The following SNX29 variants were observed in gnomAD, a reference collection of about 807,000 sequenced individuals.
SNX29 encodes sorting nexin-29.
Under a neutral mutation model 102.1 loss-of-function variants are expected in SNX29, and 78 were observed. That is an observed-to-expected ratio of 0.76 (90% CI 0.64 to 0.92). The LOEUF (loss-of-function observed/expected upper bound fraction) is 0.92, where lower values mean the gene tolerates loss of function less well. Among genes scored for constraint, SNX29 ranks in the 40% least tolerant of loss-of-function variants. The pLI is 0.00. For synonymous variants in SNX29, 580 were observed against 414.5 expected (o/e 1.40, Z -4.85); for missense variants, 1,280 against 1,061.7 (o/e 1.21, Z -2.86).
intron 13 of SNX29, among the ~76,000 whole-genome samples, chr16:12,161,944 G>A (rs2055802563): frequency 6.6e-6 from 1 of 152,190 alleles, no homozygotes; most frequent in African/African-American, 2.4e-5. Context: ...AGGTATTCCT[G>A]ATGAGCAATG....
chr16:12,089,790 TC>T (rs1567197231), intron 11 of SNX29: 1 of 351,826 alleles, frequency 2.8e-6, no homozygotes, highest in Non-Finnish European at 5.4e-6. Flanking sequence ...AAGAGCAGGC[TC>T]TGAAGCCTGC....
chr16:12,333,066 G>T (rs2081342691), intron 15 of SNX29, among the ~76,000 whole-genome samples: 1 of 151,102 alleles, frequency 6.6e-6, no homozygotes. Flanking sequence ...TTAGCAGTGT[G>T]CATTTGTTCA....
intron 15 of SNX29, among the ~76,000 whole-genome samples, chr16:12,339,933 A>C (rs147839287): frequency 2.5e-3 from 382 of 152,302 alleles, no homozygotes; most frequent in Non-Finnish European, 3.9e-3. Context: ...CACTAGGAAG[A>C]GAGGTGGTTT....
At chr16:12,194,823 C>CACCAT (rs1162781070) in intron 13 of SNX29, among the ~76,000 whole-genome samples, 1 of 151,866 alleles carries the variant, frequency 6.6e-6, no homozygotes, top group African/African-American at 2.4e-5. Context: ...GATGGGGTTT[C>CACCAT]ACCATGTTGG....
chr16:12,350,438 A>G (rs760086144), intron 15 of SNX29, among the ~76,000 whole-genome samples: 6 of 152,212 alleles, frequency 3.9e-5, no homozygotes, highest in Admixed American at 2.6e-4. Context: ...ATCATTTAAT[A>G]GAAGGTACTG....
chr16:12,044,882 A>T (rs2050025681), intron 5 of SNX29, among the ~76,000 whole-genome samples: 1 of 151,636 alleles, frequency 6.6e-6, no homozygotes, highest in Non-Finnish European at 1.5e-5. Context: ...TGTCTGGCCT[A>T]CTCCTTTTTT....
intron 13 of SNX29, among the ~76,000 whole-genome samples, chr16:12,134,769 C>T (rs2054598378): frequency 6.6e-6 from 1 of 152,210 alleles, no homozygotes; most frequent in African/African-American, 2.4e-5. Context: ...CTGCTACACT[C>T]ATCAGGTATC....
At chr16:12,558,973 C>T (rs1002072865) in intron 20 of SNX29, among the ~76,000 whole-genome samples, 1 of 152,186 alleles carries the variant, frequency 6.6e-6, no homozygotes, top group Non-Finnish European at 1.5e-5. Flanking sequence ...CAGAGGGATT[C>T]AGAGACTTTA....
At position 12,573,429 on chromosome 16, in the gene SNX29, C is replaced by T. The variant is rs1458222783; in HGVS notation, c.*4800C>T. Reference sequence around the variant, plus strand: ...AGAAGTGAAAAAGAAATCTGGCTTCCTTAATAAGATAGTTGAGCCTATGAC... The same window carrying T: ...AGAAGTGAAAAAGAAATCTGGCTTCTTTAATAAGATAGTTGAGCCTATGAC... On this transcript the variant is annotated 3_prime_UTR_variant, in exon 21 of 21. Transcript: ENST00000566228. 3 of 223,572 alleles carry T rather than the reference C, an allele frequency of 1.3e-5. No individual in the cohort carries two copies. Among genetic ancestry groups the T allele is most frequent in the Non-Finnish European group, 2.7e-5 (3 of 112,144 alleles). The allele number at this position is 223,572 out of a possible 1,614,324, so 13.8% of individuals were successfully genotyped here. A position where few individuals can be genotyped will look rare whatever the true frequency, so the allele number is the denominator to read the frequency against.
intron 13 of SNX29, among the ~76,000 whole-genome samples, chr16:12,135,959 T>C (rs1264524372): frequency 6.6e-6 from 1 of 152,050 alleles, no homozygotes; most frequent in Admixed American, 6.5e-5. Context: ...TTGGACTGCT[T>C]CTCAGAGCAC....
At chr16:12,205,052 G>T (rs1371482997) in intron 14 of SNX29, among the ~76,000 whole-genome samples, 4 of 152,218 alleles carry the variant, frequency 2.6e-5, no homozygotes, top group African/African-American at 9.7e-5. Context: ...CAGTTTCCCC[G>T]GCCTTCCAAA....
intron 19 of SNX29, among the ~76,000 whole-genome samples, chr16:12,514,578 C>G (rs192832308): frequency 7.9e-5 from 12 of 152,312 alleles, no homozygotes; most frequent in Middle Eastern, 3.4e-3. Flanking sequence ...AAAAGCCCCT[C>G]TCTTGGCCAG....
At chr16:12,423,165 G>C (rs1323844031) in intron 18 of SNX29, among the ~76,000 whole-genome samples, 1 of 151,934 alleles carries the variant, frequency 6.6e-6, no homozygotes, top group Non-Finnish European at 1.5e-5. Context: ...CTAAAGCCAG[G>C]AGAAGCATTT....
At chr16:12,331,033 C>A (rs2081277441) in intron 15 of SNX29, among the ~76,000 whole-genome samples, 1 of 152,214 alleles carries the variant, frequency 6.6e-6, no homozygotes, top group East Asian at 1.9e-4. Flanking sequence ...CCTCTGTAGC[C>A]AACTACAGTT....
At chr16:12,209,944 G>A (rs2077139953) in intron 14 of SNX29, among the ~76,000 whole-genome samples, 1 of 152,024 alleles carries the variant, frequency 6.6e-6, no homozygotes, top group Non-Finnish European at 1.5e-5. Flanking sequence ...AAGAGTGTGG[G>A]CTCTGGAGAC....
At chr16:12,137,404 C>G (rs1181178591) in intron 13 of SNX29, among the ~76,000 whole-genome samples, 1 of 152,142 alleles carries the variant, frequency 6.6e-6, no homozygotes, top group Non-Finnish European at 1.5e-5. Context: ...TTCAGCTCCT[C>G]CTGGTGTTAT....
At chr16:12,147,401 T>G (rs981786121) in intron 13 of SNX29, among the ~76,000 whole-genome samples, 7 of 152,224 alleles carry the variant, frequency 4.6e-5, no homozygotes, top group Non-Finnish European at 8.8e-5. Flanking sequence ...GTTACGGTAA[T>G]TATTCACCGG....
chr16:12,366,186 A>T (rs983601454), intron 16 of SNX29, among the ~76,000 whole-genome samples: 1 of 151,940 alleles, frequency 6.6e-6, no homozygotes, highest in Non-Finnish European at 1.5e-5. Context: ...ATAGTTTGAT[A>T]GTCTTCCTTA....
At chr16:12,254,206 G>A (rs1008857176) in intron 14 of SNX29, among the ~76,000 whole-genome samples, 16 of 152,126 alleles carry the variant, frequency 1.1e-4, no homozygotes, top group Admixed American at 5.9e-4. Flanking sequence ...TTAGTATGCC[G>A]GGGCCCACAA....
Sources: allele counts gnomAD v4.1 joint callset (sites outside exome capture counted in the v4.1 genomes callset), GRCh38; gene constraint gnomAD v4.1.1; transcripts MANE v1.5; gene names NCBI Gene and HGNC (gene_info 2026-07-23, HGNC 2026-07-21).